The following TMPRSS2 variants were observed in gnomAD, a reference collection of about 807,000 sequenced individuals.
TMPRSS2 encodes transmembrane serine protease 2.
A neutral mutation model predicts 67.4 loss-of-function variants in TMPRSS2; 59 were observed. That is an observed-to-expected ratio of 0.88 (90% CI 0.71 to 1.09). TMPRSS2 has a LOEUF of 1.09. TMPRSS2 is among the 50% of genes least tolerant of loss of function. The pLI is 0.00. For missense variants in TMPRSS2, 668 were observed against 642.7 expected (o/e 1.04, Z -0.43); for synonymous variants, 257 against 257.0 (o/e 1.00, Z 0.00).
rs772196502 is a variant in TMPRSS2 at position 41,471,881 on chromosome 21, G to T, written c.1000C>A (p.His334Asn). 2.5e-5 allele frequency: 41 copies of T among 1,613,608 alleles called. No homozygotes were observed. Among genetic ancestry groups the T allele is most frequent in the Non-Finnish European group, 3.4e-5 (40 of 1,179,882 alleles). Residue 334 changes from histidine (H) to asparagine (N), a missense_variant, in exon 10 of 14, where the codon CAT (histidine) becomes AAT (asparagine). Coordinates refer to ENST00000332149, the MANE Select transcript of TMPRSS2 (RefSeq NM_005656.4). The stretch of plus-strand genomic sequence containing the variant: ...TTGGTCTTGGAGTCATAATTTGGAT[G>T]AGAAATCACTTTTTCTACTTGGTAT... ...AGYQVEKVIS[H>N]PNYDSKTKNN...
In TMPRSS2 at chr21:41,476,577, C is replaced by T; in HGVS notation, c.727G>A (p.Ala243Thr). The stretch of plus-strand genomic sequence containing the variant: ...AAAGGGGGACTCCAGATGAACTTAC[C>T]TATACAGCGTAAAGAAACCACTGCT... ...SKAVVSLRCI[A>T]CGVNLNSSRQ... Residue 243 changes from alanine (A) to threonine (T), a missense_variant and splice_region_variant, in exon 8 of 14, where the codon GCC becomes ACC. By Grantham distance (58) the Ala-to-Thr change is moderately conservative (BLOSUM62 0). Transcript: ENST00000332149. 6.2e-7 allele frequency: 1 copy of T among 1,613,386 alleles called. No homozygotes were observed. The highest frequency in any genetic ancestry group is 8.5e-7 in the Non-Finnish European group (1 of 1,179,848).
chr21:41,504,162 G>T (rs1041719294), intron 1 of TMPRSS2, among the ~76,000 whole-genome samples: 6 of 152,180 alleles, frequency 3.9e-5, no homozygotes, highest in African/African-American at 1.4e-4. Flanking sequence ...TGACAGCCCC[G>T]ATTTTTCCAC....
At chr21:41,499,906 T>G (rs1300587012) in intron 1 of TMPRSS2, among the ~76,000 whole-genome samples, 1 of 151,506 alleles carries the variant, frequency 6.6e-6, no homozygotes, top group Non-Finnish European at 1.5e-5. Flanking sequence ...AGAAACGGGG[T>G]TCAAGATTAT....
intron 5 of TMPRSS2, 54 bp from the exon 6 acceptor site, chr21:41,480,656 T>C: frequency 6.3e-7 from 1 of 1,591,886 alleles, no homozygotes; most frequent in Non-Finnish European, 8.6e-7. Context: ...TTCTTTTTTT[T>C]GAGACGGAGT....
Position 41,473,329 on chromosome 21 carries a change from C to G in TMPRSS2, c.895G>C (p.Glu299Gln). ...EWIVTAAHCVEKPLNNPWHWT... is the reference protein window; with the variant it reads ...EWIVTAAHCVQKPLNNPWHWT... ...CCCGCGCCGCCCCTGGCATACTTTT[C>G]CACGCAGTGGGCGGCTGTCACGATC... Residue 299 changes from glutamate to glutamine, a missense_variant, in exon 9 of 14, where the codon GAA becomes CAA. Transcript: ENST00000332149. The G allele has an allele frequency of 6.3e-7, 1 of 1,596,612 alleles. No individual in the cohort carries two copies. Among genetic ancestry groups the G allele is most frequent in the Non-Finnish European group, 8.5e-7 (1 of 1,171,436 alleles).
At position 41,497,797 on chromosome 21, in the gene TMPRSS2, C is replaced by A. The variant is rs979311926; in HGVS notation, c.15+322G>T. 5.3e-5 allele frequency among the ~76,000 whole-genome samples: 8 copies of A among 152,198 alleles called. No individual in the cohort carries two copies. In the East Asian group the frequency reaches 1.3e-3, roughly 26 times the overall value. ...ACGTGGGTCTCTTCCCTGGAACATA[C>A]CCCTGTTATCGCCATCCTGCCTCAT... On this transcript the variant is annotated intron_variant, in intron 2 of 13. Transcript: ENST00000332149.
intron 2 of TMPRSS2, among the ~76,000 whole-genome samples, chr21:41,497,633 C>T (rs759036463): frequency 2.6e-5 from 4 of 152,172 alleles, no homozygotes; most frequent in Admixed American, 6.5e-5. Flanking sequence ...ATAAGGCAAA[C>T]GGGCCAGTTA....
intron 3 of TMPRSS2, among the ~76,000 whole-genome samples, chr21:41,491,805 C>T (rs183851466): frequency 1.4e-4 from 21 of 152,322 alleles, no homozygotes; most frequent in Non-Finnish European, 2.4e-4. Context: ...CTTTGCTGGA[C>T]AGGCATCTGT....
In TMPRSS2 at chr21:41,476,557, G is replaced by C; in HGVS notation, c.727+20C>G. ...TTTCCTAGTTAGAAGTATCAAAAGG[G>C]GGACTCCAGATGAACTTACCTATAC... On this transcript the variant is annotated intron_variant, in intron 8 of 13. Coordinates refer to ENST00000332149, the MANE Select transcript of TMPRSS2 (RefSeq NM_005656.4). The C allele has an allele frequency of 1.2e-6, 2 of 1,611,108 alleles. No homozygotes were observed. Among genetic ancestry groups the C allele is most frequent in the Non-Finnish European group, 1.7e-6 (2 of 1,177,946 alleles).
intron 1 of TMPRSS2, among the ~76,000 whole-genome samples, chr21:41,507,714 G>A (rs891340183): frequency 6.6e-6 from 1 of 152,176 alleles, no homozygotes; most frequent in Non-Finnish European, 1.5e-5. Flanking sequence ...TCCCAGGCGG[G>A]GGCCGTGGAG....
intron 3 of TMPRSS2, among the ~76,000 whole-genome samples, chr21:41,492,532 T>C (rs1354302977): frequency 2.0e-5 from 3 of 152,216 alleles, no homozygotes; most frequent in African/African-American, 7.2e-5. Flanking sequence ...AAGCCAAACA[T>C]TACACTTTCA....
At chr21:41,492,237 C>A (rs1303779305) in intron 3 of TMPRSS2, among the ~76,000 whole-genome samples, 1 of 152,060 alleles carries the variant, frequency 6.6e-6, no homozygotes, top group Non-Finnish European at 1.5e-5. Flanking sequence ...CCCACGCACA[C>A]AAAACCCACT....
chr21:41,484,771 CA>C (rs1356235066), intron 5 of TMPRSS2, among the ~76,000 whole-genome samples: 7 of 151,960 alleles, frequency 4.6e-5, no homozygotes, highest in African/African-American at 1.5e-4. Flanking sequence ...TGTGTTACAG[CA>C]AAAGGATGGA....
intron 3 of TMPRSS2, among the ~76,000 whole-genome samples, chr21:41,490,856 G>A (rs2091329874): frequency 6.6e-6 from 1 of 152,236 alleles, no homozygotes; most frequent in South Asian, 2.1e-4. Flanking sequence ...AGAGGTGGAG[G>A]AGAGGGGAGG....
chr21:41,487,140 G>C (rs365025), intron 5 of TMPRSS2: 96,823 of 152,212 alleles, frequency 0.64, 31,768 homozygotes, highest in Middle Eastern at 0.74. Flanking sequence ...ATCAACCTAA[G>C]AGTCCATCAG....
chr21:41,486,346 C>T (rs1422999883), intron 5 of TMPRSS2: 1 of 152,292 alleles, frequency 6.6e-6, no homozygotes, highest in Non-Finnish European at 1.5e-5. Context: ...GTCGCCCAGG[C>T]TGGAGTGCAG....
rs763407535 is a variant in TMPRSS2 at position 41,479,243 on chromosome 21, G to A, written c.612C>T (p.Ser204=). The change falls in exon 7 of 14, where the codon AGC becomes AGT. Residue 204 remains serine, a synonymous_variant. Transcript: ENST00000332149. ...TCAGTTTCATAAAGCTGGTGGATCC[G>A]CTGTCATCCACTATTCCTTGGCTAG... ...FYSSQGIVDD[S]GSTSFMKLNT... The A allele has an allele frequency of 9.9e-6, 16 of 1,613,786 alleles. No individual in the cohort carries two copies. Among genetic ancestry groups the A allele is most frequent in the East Asian group, 6.7e-5 (3 of 44,894 alleles).
At chr21:41,468,183 C>A (rs148561341) in intron 12 of TMPRSS2, 2 of 639,534 alleles carry the variant, frequency 3.1e-6, no homozygotes, top group Non-Finnish European at 5.3e-6. Flanking sequence ...TACCAAATAC[C>A]GGTTTTTCAG....
chr21:41,471,790 C>T lies in TMPRSS2; in HGVS notation c.1075+16G>A. Reference sequence around the variant, plus strand: ...AGATTCTGCCAACCTGCTTGCCAAGCCTGAGCCACACGTACCGTTGAAAGT... The same window carrying T: ...AGATTCTGCCAACCTGCTTGCCAAGTCTGAGCCACACGTACCGTTGAAAGT... On this transcript the variant is annotated intron_variant, in intron 10 of 13. Coordinates refer to ENST00000332149, the MANE Select transcript of TMPRSS2 (RefSeq NM_005656.4). The T allele has an allele frequency of 6.3e-7, 1 of 1,579,720 alleles. No homozygotes were observed. Among genetic ancestry groups the T allele is most frequent in the South Asian group, 1.1e-5 (1 of 87,748 alleles).
Sources: gnomAD v4.1 joint callset for allele counts (sites outside exome capture counted in the v4.1 genomes callset) on GRCh38, gnomAD v4.1.1 for gene constraint, MANE v1.5 for transcripts, NCBI Gene and HGNC (gene_info 2026-07-23, HGNC 2026-07-21) for gene names.